Variants in SLC2A12 observed in about 807,000 individuals in gnomAD.
SLC2A12 encodes solute carrier family 2 member 12.
Under a neutral mutation model 41.8 loss-of-function variants are expected in SLC2A12, and 23 were observed. The observed-to-expected ratio is 0.55, with a 90% CI of 0.40 to 0.78. SLC2A12 has a LOEUF of 0.78. SLC2A12 is among the 30% of genes least tolerant of loss of function. SLC2A12 has a pLI of 0.00. For synonymous variants in SLC2A12, 295 were observed against 285.9 expected (o/e 1.03, Z -0.32); for missense variants, 654 against 745.6 (o/e 0.88, Z 1.43).
chr6:134,007,033 C>T lies in SLC2A12; in HGVS notation c.1445-99G>A, dbSNP rs1450777842. 1.1e-5 allele frequency: 17 copies of T among 1,521,310 alleles called. No individual in the cohort carries two copies. The East Asian group carries it at 1.2e-4, about 10-fold the overall frequency. 94.2% of individuals were successfully genotyped at this position (1,521,310 alleles called of 1,614,324 possible). A position where few individuals can be genotyped will look rare whatever the true frequency, so the allele number is the denominator to read the frequency against. ...TGATCTCTCCCTGCCCTCATCCTGC[C>T]GGGATTTGTGGTTGGGAAGCACCAT... is the stretch of plus-strand genomic sequence containing the variant. On this transcript the variant is annotated intron_variant, in intron 2 of 4. Coordinates refer to ENST00000275230, the MANE Select transcript of SLC2A12 (RefSeq NM_145176.3).
intron 1 of SLC2A12, among the ~76,000 whole-genome samples, chr6:134,044,532 G>A (rs1249829339): frequency 2.0e-5 from 3 of 152,022 alleles, no homozygotes; most frequent in African/African-American, 7.2e-5. Flanking sequence ...TGGCCAACAT[G>A]ATGAAACCCC....
intron 1 of SLC2A12, among the ~76,000 whole-genome samples, chr6:134,051,221 C>T (rs1031642094): frequency 3.9e-5 from 6 of 152,152 alleles, no homozygotes; most frequent in African/African-American, 1.4e-4. Context: ...CCACCACGCC[C>T]GGCCTCATTC....
At chr6:134,034,969 T>C (rs180740409) in intron 1 of SLC2A12, among the ~76,000 whole-genome samples, 282 of 152,192 alleles carry the variant, frequency 1.9e-3, no homozygotes, top group African/African-American at 6.5e-3. Flanking sequence ...TTTGTGGACA[T>C]TACAGAAGTG....
chr6:134,005,852 A>G (rs1776806666), intron 3 of SLC2A12, among the ~76,000 whole-genome samples: 1 of 151,872 alleles, frequency 6.6e-6, no homozygotes, highest in South Asian at 2.1e-4. Flanking sequence ...TCTAAATCTA[A>G]TAGCAATTTA....
Position 134,029,685 on chromosome 6 carries a change from G to T in SLC2A12, c.140C>A (p.Ala47Asp). The change falls in exon 2 of 5, where the codon GCT becomes GAT. Residue 47 changes from alanine (A) to aspartate (D), a missense_variant. Ala to Asp is a moderately radical substitution (Grantham distance 126, BLOSUM62 -2). Transcript: ENST00000275230. ...ACCCACCAGGAGGCCACTGACAGCAGCAGTGACAGATGACAGGAAGGTAAA... is the reference window on the plus strand; with the variant it reads ...ACCCACCAGGAGGCCACTGACAGCATCAGTGACAGATGACAGGAAGGTAAA... ...GMFTFLSSVT[A>D]AVSGLLVGYE... The T allele has an allele frequency of 6.2e-7, 1 of 1,607,858 alleles. No individual in the cohort carries two copies. Among genetic ancestry groups the T allele is most frequent in the Non-Finnish European group, 8.5e-7 (1 of 1,178,652 alleles).
chr6:134,014,778 ATAAGT>A (rs1776933310), intron 2 of SLC2A12, among the ~76,000 whole-genome samples: 1 of 152,202 alleles, frequency 6.6e-6, no homozygotes, highest in South Asian at 2.1e-4. Flanking sequence ...AGACTGAGAG[ATAAGT>A]TAAACACTGA....
At chr6:133,991,917 A>G (rs993929136) in intron 4 of SLC2A12, among the ~76,000 whole-genome samples, 1 of 152,236 alleles carries the variant, frequency 6.6e-6, no homozygotes, top group Non-Finnish European at 1.5e-5. Context: ...AGACGAGCTT[A>G]TAACTTGAAG....
At chr6:134,031,279 C>A (rs1173108568) in intron 1 of SLC2A12, among the ~76,000 whole-genome samples, 1 of 152,090 alleles carries the variant, frequency 6.6e-6, no homozygotes, top group East Asian at 1.9e-4. Flanking sequence ...GTAGTCCCAG[C>A]TACTCAGGAG....
chr6:134,022,921 A>C (rs1202955198), intron 2 of SLC2A12, among the ~76,000 whole-genome samples: 1 of 152,246 alleles, frequency 6.6e-6, no homozygotes, highest in Non-Finnish European at 1.5e-5. Flanking sequence ...ATCTGTTTAC[A>C]CAAGGACACT....
rs183426339 is a variant in SLC2A12 at position 133,988,617 on chromosome 6, C to G, written c.*2538G>C. 3.7e-4 allele frequency: 56 copies of G among 152,272 alleles called. No homozygotes were observed. Among genetic ancestry groups the G allele is most frequent in the African/African-American group, 1.3e-3 (53 of 41,554 alleles). 9.4% of individuals were successfully genotyped at this position (152,272 alleles called of 1,614,324 possible). A position where few individuals can be genotyped will look rare whatever the true frequency, so the allele number is the denominator to read the frequency against. ...ATATTATTTTTATCTTTTTTCTTCTCAATGCCTTCCCTAACCTCCTGCTTA... is the reference window on the plus strand; with the variant it reads ...ATATTATTTTTATCTTTTTTCTTCTGAATGCCTTCCCTAACCTCCTGCTTA... On this transcript the variant is annotated 3_prime_UTR_variant, in exon 5 of 5. Transcript: ENST00000275230.
chr6:134,029,016 C>G lies in SLC2A12; in HGVS notation c.809G>C (p.Arg270Pro). Residue 270 changes from arginine (R) to proline (P), a missense_variant, in exon 2 of 5, where the codon CGT becomes CCT. By Grantham distance (103) the Arg-to-Pro change is moderately radical (BLOSUM62 -2). Around this residue, in one of 3 missense-constraint regions of SLC2A12, gnomAD observed 411 missense variants for 412.1 expected, o/e 1.00. Coordinates refer to ENST00000275230, the MANE Select transcript of SLC2A12 (RefSeq NM_145176.3). Reference sequence around the variant, plus strand: ...TCGGGTCCGCATGTTGTCTTTTGAACGAAACAGATCCCAAAAACTGTACTG... The same window carrying G: ...TCGGGTCCGCATGTTGTCTTTTGAAGGAAACAGATCCCAAAAACTGTACTG... The part of the protein sequence containing the change: ...EYQYSFWDLF[R>P]SKDNMRTRIM... The G allele has an allele frequency of 6.2e-7, 1 of 1,614,166 alleles. No individual in the cohort carries two copies. The highest frequency in any genetic ancestry group is 1.1e-5 in the South Asian group (1 of 91,084).
chr6:134,010,814 A>G (rs908617581), intron 2 of SLC2A12, among the ~76,000 whole-genome samples: 2 of 152,176 alleles, frequency 1.3e-5, no homozygotes, highest in African/African-American at 2.4e-5. Context: ...GGTTGAGGAC[A>G]TGGACTTGGA....
intron 1 of SLC2A12, 101 bp downstream of exon 1, chr6:134,052,276 CA>C (rs1459382901): frequency 1.1e-6 from 1 of 914,824 alleles, no homozygotes; most frequent in South Asian, 1.5e-5. Flanking sequence ...CACACACACA[CA>C]CACACACACA....
intron 1 of SLC2A12, among the ~76,000 whole-genome samples, chr6:134,032,434 A>ATATATT (rs1777225056): frequency 2.6e-5 from 1 of 37,824 alleles, no homozygotes; most frequent in African/African-American, 1.2e-4. Flanking sequence ...ATTTATATAT[A>ATATATT]TATATATATA....
At chr6:134,048,609 C>T (rs1201767203) in intron 1 of SLC2A12, among the ~76,000 whole-genome samples, 1 of 152,122 alleles carries the variant, frequency 6.6e-6, no homozygotes, top group Non-Finnish European at 1.5e-5. Context: ...CCTGTTATTT[C>T]CTTGGAAATA....
chr6:134,038,696 TTTCC>T (rs1175206957), intron 1 of SLC2A12, among the ~76,000 whole-genome samples: 3 of 135,834 alleles, frequency 2.2e-5, no homozygotes, highest in African/African-American at 9.6e-5. Context: ...TCTTCCTTTC[TTTCC>T]TTTTTTTTTT....
chr6:134,006,189 AAAAC>A lies in SLC2A12; in HGVS notation c.1567+619_1567+622del, dbSNP rs974816360. On this transcript the variant is annotated intron_variant, in intron 3 of 4. Coordinates refer to ENST00000275230, the MANE Select transcript of SLC2A12 (RefSeq NM_145176.3). Reference sequence around the variant, plus strand: ...GAGAGACTATCGGAAAAAAAAAAAAAAAACAAAAAAAAAAACAGAGAAACAGAGA... The same window carrying A: ...GAGAGACTATCGGAAAAAAAAAAAAAAAAAAAAAAAACAGAGAAACAGAGA... Among the ~76,000 whole-genome samples the A allele has an allele frequency of 5.7e-5, 8 of 141,322 alleles. 1 individual carries two copies. The highest frequency in any genetic ancestry group is 2.5e-4 in the South Asian group (1 of 4,036). 92.7% of individuals were successfully genotyped at this position (141,322 alleles called of 152,430 possible).
chr6:134,027,649 G>A (rs1449477521), intron 2 of SLC2A12, among the ~76,000 whole-genome samples: 1 of 152,180 alleles, frequency 6.6e-6, no homozygotes, highest in Non-Finnish European at 1.5e-5. Flanking sequence ...TTAGATGTGA[G>A]GCTAATAGAC....
At chr6:134,033,397 T>C (rs1746388984) in intron 1 of SLC2A12, among the ~76,000 whole-genome samples, 1 of 152,210 alleles carries the variant, frequency 6.6e-6, no homozygotes. Context: ...AATGAATTCC[T>C]CTACCACAAG....
Sources: allele counts gnomAD v4.1 joint callset (sites outside exome capture counted in the v4.1 genomes callset), GRCh38; gene constraint gnomAD v4.1.1; regional missense constraint gnomAD v4.1.1; transcripts MANE v1.5; gene names NCBI Gene and HGNC (gene_info 2026-07-23, HGNC 2026-07-21).